Variants in TUSC3 observed in about 807,000 individuals in gnomAD.
TUSC3 encodes dolichyl-diphosphooligosaccharide--protein glycosyltransferase subunit TUSC3.
TUSC3 carries 45 observed loss-of-function variants against 44.8 expected under a neutral mutation model. That is an observed-to-expected ratio of 1.00 (90% CI 0.79 to 1.29). The LOEUF is 1.29. Ranked by LOEUF, TUSC3 falls within the 50% of genes most tolerant of loss-of-function variation. The pLI, the probability that TUSC3 is intolerant of heterozygous loss-of-function variation, is 0.00. For synonymous variants in TUSC3, 212 were observed against 152.9 expected (o/e 1.39, Z -2.85); for missense variants, 519 against 437.9 (o/e 1.19, Z -1.65).
chr8:15,734,008 A>C (rs1179614229), intron 7 of TUSC3, among the ~76,000 whole-genome samples: 1 of 152,142 alleles, frequency 6.6e-6, no homozygotes, highest in Non-Finnish European at 1.5e-5. Context: ...CACACACTAC[A>C]CTTGAATCTG....
chr8:15,783,964 A>T, the TUSC3 span, among the ~76,000 whole-genome samples: 1 of 152,216 alleles, frequency 6.6e-6, no homozygotes. Flanking sequence ...TAAAGTGCTA[A>T]CAGACAAAAT....
chr8:15,565,380 C>T (rs996301167), intron 1 of TUSC3, among the ~76,000 whole-genome samples: 26 of 152,224 alleles, frequency 1.7e-4, no homozygotes, highest in African/African-American at 4.8e-4. Flanking sequence ...TGTTTAGTCA[C>T]ATCTTGTGTC....
At chr8:15,755,691 C>A (rs1221372466) in intron 9 of TUSC3, among the ~76,000 whole-genome samples, 7 of 151,156 alleles carry the variant, frequency 4.6e-5, no homozygotes, top group African/African-American at 1.7e-4. Context: ...ACTACTTTGG[C>A]ACTGGAGCCT....
intron 1 of TUSC3, among the ~76,000 whole-genome samples, chr8:15,468,816 A>C (rs1230855658): frequency 6.6e-6 from 1 of 152,154 alleles, no homozygotes; most frequent in African/African-American, 2.4e-5. Flanking sequence ...ATAAATTAAG[A>C]AATATTTACC....
chr8:15,438,543 T>A (rs1799980284), intron 1 of TUSC3, among the ~76,000 whole-genome samples: 1 of 152,186 alleles, frequency 6.6e-6, no homozygotes, highest in African/African-American at 2.4e-5. Flanking sequence ...AGATTTTTGG[T>A]GCTCCTGTGA....
chr8:15,626,968 G>A (rs1805538063), intron 2 of TUSC3, among the ~76,000 whole-genome samples: 1 of 27,820 alleles, frequency 3.6e-5, no homozygotes, highest in Admixed American at 4.9e-4. Context: ...AAGCTTGGGA[G>A]GGCCTGAAGC....
At chr8:15,460,543 G>T (rs564144663) in intron 1 of TUSC3, among the ~76,000 whole-genome samples, 1 of 152,144 alleles carries the variant, frequency 6.6e-6, no homozygotes, top group East Asian at 1.9e-4. Flanking sequence ...TTATGTCCCA[G>T]CTATTTATCT....
intron 1 of TUSC3, among the ~76,000 whole-genome samples, chr8:15,463,943 C>G (rs1459766704): frequency 2.0e-5 from 3 of 152,170 alleles, no homozygotes; most frequent in African/African-American, 7.2e-5. Flanking sequence ...TTGCACATTT[C>G]TTTAGCAGCA....
chr8:15,557,022 G>T (rs1433844273), intron 1 of TUSC3, among the ~76,000 whole-genome samples: 9 of 138,982 alleles, frequency 6.5e-5, no homozygotes, highest in Non-Finnish European at 1.3e-4. Flanking sequence ...GATCCCATTT[G>T]TCAATTTTGG....
the TUSC3 span, among the ~76,000 whole-genome samples, chr8:15,794,464 AC>A: frequency 6.6e-6 from 1 of 152,222 alleles, no homozygotes; most frequent in South Asian, 2.1e-4. Flanking sequence ...ATTGTCAAGT[AC>A]TATAAATGGT....
chr8:15,602,639 T>A (rs1177300550), intron 1 of TUSC3, among the ~76,000 whole-genome samples: 1 of 150,150 alleles, frequency 6.7e-6, no homozygotes, highest in African/African-American at 2.4e-5. Flanking sequence ...GCTCTCTCTT[T>A]GGGGTTGTGA....
chr8:15,535,990 T>C (rs1440876535), upstream of TUSC3, among the ~76,000 whole-genome samples: 2 of 152,218 alleles, frequency 1.3e-5, no homozygotes, highest in African/African-American at 4.8e-5. Flanking sequence ...ACATGAGTTT[T>C]TTTGCAACTT....
In TUSC3 at chr8:15,673,872, T is replaced by G. The variant is rs17474327; in HGVS notation, c.798+36T>G. On this transcript the variant is annotated intron_variant, in intron 6 of 10. Coordinates refer to ENST00000503731, the MANE Select transcript of TUSC3 (RefSeq NM_006765.4). Reference sequence around the variant, plus strand: ...TTTATAAGCATGAATATTCTGAAGTTTAATCCAGCTTAATTTAGGAATAAG... The same window carrying G: ...TTTATAAGCATGAATATTCTGAAGTGTAATCCAGCTTAATTTAGGAATAAG... 0.044 allele frequency: 66,757 copies of G among 1,516,758 alleles called. 1,698 individuals carry two copies. The highest frequency in any genetic ancestry group is 0.051 in the Non-Finnish European group (56,342 of 1,094,048). 94.0% of individuals were successfully genotyped at this position (1,516,758 alleles called of 1,614,324 possible). A position where few individuals can be genotyped will look rare whatever the true frequency, so the allele number is the denominator to read the frequency against.
At chr8:15,501,370 G>A (rs974540273) in intron 2 of TUSC3, among the ~76,000 whole-genome samples, 1 of 152,068 alleles carries the variant, frequency 6.6e-6, no homozygotes. Context: ...ATGCACACAT[G>A]GTACTTTCGC....
chr8:15,708,821 G>C (rs1203919889), intron 6 of TUSC3, among the ~76,000 whole-genome samples: 1 of 151,868 alleles, frequency 6.6e-6, no homozygotes, highest in East Asian at 1.9e-4. Context: ...ACAGAAAACA[G>C]TCCAAATCCG....
chr8:15,465,925 T>G (rs1007071689), intron 1 of TUSC3, among the ~76,000 whole-genome samples: 6 of 152,208 alleles, frequency 3.9e-5, no homozygotes, highest in Admixed American at 3.9e-4. Context: ...TAGTTCATCG[T>G]GATATACTCA....
chr8:15,748,405 T>A lies in TUSC3; in HGVS notation c.968T>A (p.Val323Asp), dbSNP rs1563203721. 6.2e-7 allele frequency: 1 copy of A among 1,613,402 alleles called. No homozygotes were observed. Among genetic ancestry groups the A allele is most frequent in the Non-Finnish European group, 8.5e-7 (1 of 1,179,514 alleles). The change falls in exon 9 of 11, where the codon GTC becomes GAC. Residue 323 changes from valine to aspartate, a missense_variant. Physicochemically the swap from Val to Asp is radical, Grantham distance 152. Coordinates refer to ENST00000503731, the MANE Select transcript of TUSC3 (RefSeq NM_006765.4). ...TGCCTAGTGGGATTGGGCCTGGTGG[T>A]CTTCTTCTTCAGTTTTCTACTTTCA... is the stretch of plus-strand genomic sequence containing the variant. ...IICLVGLGLVVFFFSFLLSIF... is the reference protein window; with the variant it reads ...IICLVGLGLVDFFFSFLLSIF...
intron 2 of TUSC3, among the ~76,000 whole-genome samples, chr8:15,485,667 G>A (rs750277617): frequency 2.0e-5 from 3 of 152,132 alleles, no homozygotes; most frequent in African/African-American, 4.8e-5. Flanking sequence ...GCAGGGAAGA[G>A]TATGTGTTGG....
At chr8:15,582,184 A>G (rs1803388536) in intron 1 of TUSC3, among the ~76,000 whole-genome samples, 1 of 152,128 alleles carries the variant, frequency 6.6e-6, no homozygotes. Flanking sequence ...TGGTGCGCGC[A>G]CCCACTGGCC....
Sources: allele counts gnomAD v4.1 joint callset (sites outside exome capture counted in the v4.1 genomes callset), GRCh38; gene constraint gnomAD v4.1.1; transcripts MANE v1.5; gene names NCBI Gene and HGNC (gene_info 2026-07-23, HGNC 2026-07-21).